Variants in ZFHX3 observed in about 807,000 individuals in gnomAD.
ZFHX3 encodes zinc finger homeobox 3.
In ZFHX3, 42 loss-of-function variants were observed where a neutral mutation model predicts 279.1. The ratio of observed to expected loss-of-function variants is 0.15; its 90% CI spans 0.12 to 0.19. The LOEUF (loss-of-function observed/expected upper bound fraction) is 0.19, where lower values mean the gene tolerates loss of function less well. Among genes scored for constraint, ZFHX3 ranks in the 10% least tolerant of loss-of-function variants. The pLI, the probability that ZFHX3 is intolerant of heterozygous loss-of-function variation, is 1.00. For synonymous variants in ZFHX3, 2,293 were observed against 1,957.8 expected (o/e 1.17, Z -4.52); for missense variants, 4,981 against 4,754.0 (o/e 1.05, Z -1.40).
At chr16:72,915,525 G>A (rs1254050861) in intron 3 of ZFHX3, among the ~76,000 whole-genome samples, 2 of 152,174 alleles carry the variant, frequency 1.3e-5, no homozygotes, top group African/African-American at 2.4e-5. Context: ...GGCACTCCTG[G>A]ATGCCAAGGC....
At chr16:73,318,307 C>T (rs140953659) in exon 4 of ZFHX3, 6 of 152,148 alleles carry the variant, frequency 3.9e-5, no homozygotes, top group African/African-American at 1.4e-4. Context: ...ATTCTCGGCC[C>T]GACCTCTTCC....
chr16:72,974,568 A>AACACACACACACACAC lies in ZFHX3; in HGVS notation c.-49-14390_-49-14375dup, dbSNP rs59350988. 2.4e-3 allele frequency among the ~76,000 whole-genome samples: 356 copies of AACACACACACACACAC among 148,358 alleles called. 3 individuals carry two copies. Among genetic ancestry groups the AACACACACACACACAC allele is most frequent in the African/African-American group, 7.5e-3 (302 of 40,074 alleles). Reference sequence around the variant, plus strand: ...CCCTTTGGAGGCTCACTGATAGGGCAACACACACACACACACACACACACA... The same window carrying AACACACACACACACAC: ...CCCTTTGGAGGCTCACTGATAGGGCAACACACACACACACACACACACACACACACACACACACACA... On this transcript the variant is annotated intron_variant, in intron 1 of 9. Transcript: ENST00000268489.
At chr16:73,347,745 G>A (rs2016148840) in intron 3 of ZFHX3, among the ~76,000 whole-genome samples, 1 of 152,246 alleles carries the variant, frequency 6.6e-6, no homozygotes, top group Non-Finnish European at 1.5e-5. Flanking sequence ...GGCAGCTGTG[G>A]CTGCATCCAC....
At chr16:72,909,884 A>G (rs2039275720) in intron 3 of ZFHX3, among the ~76,000 whole-genome samples, 1 of 151,014 alleles carries the variant, frequency 6.6e-6, no homozygotes, top group Admixed American at 6.6e-5. Flanking sequence ...TCTCAAAAAA[A>G]AAAAAAAAAA....
At chr16:72,845,767 G>A (rs2037464182) in intron 4 of ZFHX3, among the ~76,000 whole-genome samples, 1 of 152,046 alleles carries the variant, frequency 6.6e-6, no homozygotes, top group Admixed American at 6.5e-5. Flanking sequence ...CGCCTGGAAA[G>A]CCTCCATTGG....
chr16:73,510,963 G>C (rs756464339), intron 2 of ZFHX3, among the ~76,000 whole-genome samples: 6 of 152,220 alleles, frequency 3.9e-5, no homozygotes, highest in Non-Finnish European at 8.8e-5. Flanking sequence ...CACAGGCTTT[G>C]ACCAGATTTT....
At chr16:73,037,341 T>C (rs1246244840) in intron 1 of ZFHX3, among the ~76,000 whole-genome samples, 1 of 152,204 alleles carries the variant, frequency 6.6e-6, no homozygotes, top group Non-Finnish European at 1.5e-5. Flanking sequence ...TTTTAGGGAA[T>C]GACTCAGAGG....
intron 8 of ZFHX3, among the ~76,000 whole-genome samples, chr16:73,072,663 G>A (rs1347963393): frequency 2.0e-5 from 3 of 152,060 alleles, no homozygotes; most frequent in Non-Finnish European, 4.4e-5. Context: ...CACCTGGGCT[G>A]AAGCAGTCCT....
intron 3 of ZFHX3, among the ~76,000 whole-genome samples, chr16:73,380,534 A>T (rs1056011599): frequency 2.6e-5 from 4 of 152,244 alleles, no homozygotes; most frequent in African/African-American, 9.6e-5. Flanking sequence ...ACTCTAATGA[A>T]ACACTAGTCA....
At chr16:73,035,295 T>C (rs145047640) in intron 1 of ZFHX3, among the ~76,000 whole-genome samples, 5 of 152,364 alleles carry the variant, frequency 3.3e-5, no homozygotes, top group African/African-American at 9.6e-5. Context: ...ATGTGACTAA[T>C]AGAAAATCTA....
upstream of ZFHX3, among the ~76,000 whole-genome samples, chr16:73,049,061 G>A (rs1018994646): frequency 1.3e-5 from 2 of 152,114 alleles, no homozygotes; most frequent in African/African-American, 4.8e-5. Context: ...ATTGCTGGGC[G>A]CCTTTCTATC....
At chr16:73,757,817 C>T (rs117577385) in intron 1 of ZFHX3, among the ~76,000 whole-genome samples, 243 of 152,248 alleles carry the variant, frequency 1.6e-3, no homozygotes, top group Non-Finnish European at 2.2e-3. Flanking sequence ...AACCTTTATC[C>T]GCTCTCCTGT....
At chr16:73,297,419 T>C (rs1567443252) in intron 4 of ZFHX3, among the ~76,000 whole-genome samples, 1 of 152,028 alleles carries the variant, frequency 6.6e-6, no homozygotes. Flanking sequence ...GGTAACCCTG[T>C]TATCTTACAT....
chr16:72,948,850 C>T (rs1338020396), intron 3 of ZFHX3, among the ~76,000 whole-genome samples: 2 of 152,188 alleles, frequency 1.3e-5, no homozygotes, highest in Non-Finnish European at 2.9e-5. Context: ...CACGTCGGCA[C>T]CATCCTGTGG....
Position 73,047,803 on chromosome 16 carries a change from C to T in ZFHX3, c.-101G>A, listed in dbSNP as rs1965353651. 6.6e-6 allele frequency: 1 copy of T among 152,398 alleles called. No homozygotes were observed. The highest frequency in any genetic ancestry group is 2.4e-5 in the African/African-American group (1 of 41,436). 9.4% of individuals were successfully genotyped at this position (152,398 alleles called of 1,614,324 possible). A position where few individuals can be genotyped will look rare whatever the true frequency, so the allele number is the denominator to read the frequency against. ...CCGGAGGGAGGCGGCACTTGCAGGT[C>T]CGGGGGCCGCGCCGCCATGCGCAAC... On this transcript the variant is annotated 5_prime_UTR_variant, in exon 1 of 10. Coordinates refer to ENST00000268489, the MANE Select transcript of ZFHX3 (RefSeq NM_006885.4).
intron 2 of ZFHX3, among the ~76,000 whole-genome samples, chr16:73,669,472 G>A (rs973346457): frequency 6.6e-6 from 1 of 152,190 alleles, no homozygotes; most frequent in Non-Finnish European, 1.5e-5. Flanking sequence ...ATTCCTGGCT[G>A]GTGCTCCTGT....
intron 1 of ZFHX3, among the ~76,000 whole-genome samples, chr16:73,054,822 A>G (rs1965516138): frequency 6.6e-6 from 1 of 152,118 alleles, no homozygotes; most frequent in Admixed American, 6.5e-5. Context: ...ATCTATAACC[A>G]CTGCAATGAT....
At chr16:73,837,022 C>T (rs1961160393) in intron 1 of ZFHX3, among the ~76,000 whole-genome samples, 1 of 152,194 alleles carries the variant, frequency 6.6e-6, no homozygotes, top group African/African-American at 2.4e-5. Flanking sequence ...CTTGGACTTC[C>T]CAGTCTCCAG....
At chr16:73,273,436 G>A (rs1297686605) in intron 4 of ZFHX3, among the ~76,000 whole-genome samples, 1 of 152,074 alleles carries the variant, frequency 6.6e-6, no homozygotes, top group African/African-American at 2.4e-5. Flanking sequence ...CGCTCAGTAG[G>A]CCAGCTCCAT....
Sources: gnomAD v4.1 joint callset for allele counts (sites outside exome capture counted in the v4.1 genomes callset) on GRCh38, gnomAD v4.1.1 for gene constraint, MANE v1.5 for transcripts, NCBI Gene and HGNC (gene_info 2026-07-23, HGNC 2026-07-21) for gene names.